TIMMDC1: variants seen among roughly 807,000 people sequenced by gnomAD.
The protein encoded by TIMMDC1 is complex I assembly factor TIMMDC1, mitochondrial.
In TIMMDC1, 25 loss-of-function variants were observed where a neutral mutation model predicts 32.6. The ratio of observed to expected loss-of-function variants is 0.77; its 90% CI spans 0.56 to 1.07. The LOEUF is 1.07. Ranked by LOEUF, TIMMDC1 falls within the 50% of genes least tolerant of loss-of-function variation. TIMMDC1 has a pLI of 0.00. For missense variants in TIMMDC1, 329 were observed against 349.2 expected, an observed-to-expected ratio of 0.94 and a Z score of 0.46; for synonymous variants, 130 against 127.6, an observed-to-expected ratio of 1.02 and a Z score of -0.13.
intron 4 of TIMMDC1, among the ~76,000 whole-genome samples, chr3:119,512,460 G>C (rs2081960176): frequency 6.6e-6 from 1 of 151,898 alleles, no homozygotes; most frequent in Non-Finnish European, 1.5e-5. Flanking sequence ...TGTATTTTTA[G>C]TAGAGACGGG....
intron 1 of TIMMDC1, 37 bp downstream of exon 1, chr3:119,498,964 C>A: frequency 6.2e-7 from 1 of 1,601,886 alleles, no homozygotes; most frequent in Non-Finnish European, 8.5e-7. Flanking sequence ...GGTAGGGGGC[C>A]GCGAAAGCGG....
At chr3:119,513,568 G>A in intron 4 of TIMMDC1, 73 bp from the exon 5 acceptor site, 1 of 1,162,974 alleles carries the variant, frequency 8.6e-7, no homozygotes, top group Non-Finnish European at 1.3e-6. Context: ...TTTCCTTTTT[G>A]TAGAAGGAAA....
At chr3:119,507,808 A>C (rs1372757577) in intron 4 of TIMMDC1, among the ~76,000 whole-genome samples, 3 of 152,186 alleles carry the variant, frequency 2.0e-5, no homozygotes, top group African/African-American at 7.2e-5. Flanking sequence ...AAGATGTGGG[A>C]GAGGGAAAGT....
intron 4 of TIMMDC1, among the ~76,000 whole-genome samples, chr3:119,507,054 C>G (rs2081923201): frequency 1.3e-5 from 2 of 152,138 alleles, no homozygotes; most frequent in Admixed American, 1.3e-4. Flanking sequence ...TCACATACTT[C>G]ACTGTTTTTT....
At chr3:119,516,374 C>G (rs1465446274) in intron 5 of TIMMDC1, among the ~76,000 whole-genome samples, 1 of 152,194 alleles carries the variant, frequency 6.6e-6, no homozygotes, top group Non-Finnish European at 1.5e-5. Flanking sequence ...AGCTTATTTA[C>G]TTAGCATAAT....
intron 6 of TIMMDC1, among the ~76,000 whole-genome samples, chr3:119,522,687 AATT>A (rs1216547520): frequency 6.6e-6 from 1 of 152,200 alleles, no homozygotes; most frequent in Non-Finnish European, 1.5e-5. Flanking sequence ...AAATATGTAC[AATT>A]ATTAGTATCA....
At chr3:119,523,239 T>TA (rs1199475042) in intron 6 of TIMMDC1, among the ~76,000 whole-genome samples, 2 of 152,196 alleles carry the variant, frequency 1.3e-5, no homozygotes, top group African/African-American at 2.4e-5. Flanking sequence ...GCAGGGTACT[T>TA]ACATTCCCCC....
chr3:119,499,208 C>G (rs2081849598), intron 1 of TIMMDC1, among the ~76,000 whole-genome samples: 1 of 150,272 alleles, frequency 6.7e-6, no homozygotes, highest in South Asian at 2.1e-4. Flanking sequence ...ATCCTCCCAC[C>G]TCAGCCTCCC....
rs1207873013 is a variant in TIMMDC1, at chr3:119,525,004, A to C, written c.*1248A>C. ...AACTAGCATAAAGCCATTTAAAGAG[A>C]TTATCAGTCCAATATGAACCAGTTA... On this transcript the variant is annotated 3_prime_UTR_variant, in exon 7 of 7. Transcript: ENST00000494664. 6.6e-6 allele frequency: 1 copy of C among 152,224 alleles called. No individual in the cohort carries two copies. The highest frequency in any genetic ancestry group is 1.5e-5 in the Non-Finnish European group (1 of 68,038). The allele number at this position is 152,224 out of a possible 1,614,324, so 9.4% of individuals were successfully genotyped here.
chr3:119,501,178 C>A (rs772501754), intron 2 of TIMMDC1, among the ~76,000 whole-genome samples: 9 of 152,196 alleles, frequency 5.9e-5, no homozygotes, highest in Non-Finnish European at 1.2e-4. Flanking sequence ...ACAAAGCCTC[C>A]ATGAGTATAG....
intron 4 of TIMMDC1, among the ~76,000 whole-genome samples, chr3:119,506,716 T>C (rs1364977766): frequency 1.3e-5 from 2 of 152,184 alleles, no homozygotes; most frequent in Non-Finnish European, 2.9e-5. Flanking sequence ...TTTTGAAATA[T>C]GAATATGATT....
chr3:119,509,616 G>A (rs1309503417), intron 4 of TIMMDC1, among the ~76,000 whole-genome samples: 3 of 152,088 alleles, frequency 2.0e-5, no homozygotes, highest in Admixed American at 2.0e-4. Context: ...TGGGCGTGGG[G>A]GATCTTTTTG....
chr3:119,498,895 A>G lies in TIMMDC1; in HGVS notation c.162A>G (p.Gly54=). Residue 54 remains glycine (G), a synonymous_variant, in exon 1 of 7, where the codon GGA becomes GGG. Transcript: ENST00000494664. The part of the protein sequence containing the change: ...YVPEPYYPES[G]WDRLRELFGK... ...CAGAGCCCTATTACCCGGAATCTGG[A>G]TGGGACCGCCTCCGGGAGCTGTTTG... The G allele has an allele frequency of 6.2e-7, 1 of 1,613,962 alleles. No individual in the cohort carries two copies. The highest frequency in any genetic ancestry group is 1.1e-5 in the South Asian group (1 of 91,088).
At chr3:119,515,811 G>T (rs1231435094) in intron 5 of TIMMDC1, among the ~76,000 whole-genome samples, 1 of 152,180 alleles carries the variant, frequency 6.6e-6, no homozygotes, top group African/African-American at 2.4e-5. Flanking sequence ...TAGAAAGGTG[G>T]TTGTAAATGT....
chr3:119,517,229 G>A lies in TIMMDC1; in HGVS notation c.621G>A (p.Met207Ile). Residue 207 changes from methionine to isoleucine, a missense_variant, in exon 6 of 7, where the codon ATG becomes ATA. Coordinates refer to ENST00000494664, the MANE Select transcript of TIMMDC1 (RefSeq NM_016589.4). ...GCACTCCTGTAGGAGGCCTGCTGATGGCATTTCAGAAGTACTCTGGTGAGA... is the reference window on the plus strand; with the variant it reads ...GCACTCCTGTAGGAGGCCTGCTGATAGCATTTCAGAAGTACTCTGGTGAGA... Reference protein sequence around the residue: ...LLGTPVGGLLMAFQKYSGETV... With the variant: ...LLGTPVGGLLIAFQKYSGETV... 6.2e-7 allele frequency: 1 copy of A among 1,613,416 alleles called. No homozygotes were observed. Among genetic ancestry groups the A allele is most frequent in the South Asian group, 1.1e-5 (1 of 91,056 alleles).
intron 1 of TIMMDC1, among the ~76,000 whole-genome samples, chr3:119,499,767 A>C (rs2081855868): frequency 6.6e-6 from 1 of 152,210 alleles, no homozygotes; most frequent in Admixed American, 6.5e-5. Context: ...TACTTAAGAC[A>C]GCTATTTGTT....
In TIMMDC1 at chr3:119,523,662, A is replaced by G. The variant is rs1163976966; in HGVS notation, c.764A>G (p.Gln255Arg). Residue 255 changes from glutamine to arginine, a missense_variant, in exon 7 of 7, where the codon CAG (glutamine) becomes CGG (arginine). By Grantham distance (43) the Gln-to-Arg change is conservative. Transcript: ENST00000494664. ...HLPEKIESSL[Q>R]EDEPENDAKK... ...CCTGAGAAAATTGAAAGTAGTTTAC[A>G]GGAAGATGAACCTGAGAATGATGCT... is the stretch of plus-strand genomic sequence containing the variant. The G allele has an allele frequency of 5.6e-6, 9 of 1,613,658 alleles. No homozygotes were observed. Among genetic ancestry groups the G allele is most frequent in the South Asian group, 3.3e-5 (3 of 91,002 alleles).
Position 119,498,662 on chromosome 3 carries a change from C to A in TIMMDC1, c.-72C>A. 6.7e-7 allele frequency: 1 copy of A among 1,482,328 alleles called. No individual in the cohort carries two copies. Among genetic ancestry groups the A allele is most frequent in the Non-Finnish European group, 9.3e-7 (1 of 1,073,938 alleles). The allele number at this position is 1,482,328 out of a possible 1,614,324, so 91.8% of individuals were successfully genotyped here. A position where few individuals can be genotyped will look rare whatever the true frequency, so the allele number is the denominator to read the frequency against. On this transcript the variant is annotated 5_prime_UTR_variant, in exon 1 of 7. Transcript: ENST00000494664. Reference sequence around the variant, plus strand: ...CGGATTCTCACCTCGTACAGTTACGCTCTCCCGCGGCACGTCCGCGAGGAC... The same window carrying A: ...CGGATTCTCACCTCGTACAGTTACGATCTCCCGCGGCACGTCCGCGAGGAC...
chr3:119,516,314 T>TTA (rs2107733724), intron 5 of TIMMDC1, among the ~76,000 whole-genome samples: 1 of 152,342 alleles, frequency 6.6e-6, no homozygotes, highest in Admixed American at 6.5e-5. Flanking sequence ...TTTGACTACT[T>TTA]TAGATACTTC....
Sources: allele counts gnomAD v4.1 joint callset (sites outside exome capture counted in the v4.1 genomes callset), GRCh38; gene constraint gnomAD v4.1.1; transcripts MANE v1.5; gene names NCBI Gene and HGNC (gene_info 2026-07-23, HGNC 2026-07-21).